Variants in ZFHX3 observed in about 807,000 individuals in gnomAD.
ZFHX3 encodes the protein zinc finger homeobox protein 3.
ZFHX3 carries 42 observed loss-of-function variants against 279.1 expected under a neutral mutation model. The observed-to-expected ratio is 0.15, with a 90% CI of 0.12 to 0.19. The LOEUF is 0.19. Among genes scored for constraint, ZFHX3 ranks in the 10% least tolerant of loss-of-function variants. The probability of loss-of-function intolerance (pLI) is 1.00; values close to 1 mark genes in which losing one functional copy is unlikely to be tolerated. For missense variants in ZFHX3, 4,981 were observed against 4,754.0 expected, an observed-to-expected ratio of 1.05 and a Z score of -1.40; for synonymous variants, 2,293 against 1,957.8, an observed-to-expected ratio of 1.17 and a Z score of -4.52.
At chr16:73,868,575 A>G (rs924547195) in intron 1 of ZFHX3, among the ~76,000 whole-genome samples, 1 of 152,180 alleles carries the variant, frequency 6.6e-6, no homozygotes, top group Admixed American at 6.5e-5. Flanking sequence ...TGGCATTCCC[A>G]CAGCTTCCCT....
At chr16:73,214,043 G>A (rs1394011772) in intron 5 of ZFHX3, among the ~76,000 whole-genome samples, 3 of 152,182 alleles carry the variant, frequency 2.0e-5, no homozygotes, top group African/African-American at 4.8e-5. Context: ...GATTCAATCG[G>A]TATTTATTTA....
In ZFHX3 at chr16:72,960,032, G is replaced by T. The variant is rs775036562; in HGVS notation, c.114C>A (p.Ser38Arg). 1 of 1,614,056 alleles carries T rather than the reference G, an allele frequency of 6.2e-7. No homozygotes were observed. Among genetic ancestry groups the T allele is most frequent in the South Asian group, 1.1e-5 (1 of 91,072 alleles). Reference protein sequence around the residue: ...NSTHLPDKPSSMEQSTGESHG... With the variant: ...NSTHLPDKPSRMEQSTGESHG... ...GGCTCTCGCCTGTGGACTGCTCCAT[G>T]CTACTGGGTTTGTCAGGGAGGTGGG... Residue 38 changes from serine to arginine, a missense_variant, in exon 2 of 10, where the codon AGC becomes AGA. Physicochemically the swap from Ser to Arg is moderately radical, Grantham distance 110. Around this residue, in one of 7 missense-constraint regions of ZFHX3, gnomAD observed 1,068 missense variants for 935.2 expected, o/e 1.14. Transcript: ENST00000268489.
intron 2 of ZFHX3, among the ~76,000 whole-genome samples, chr16:73,461,319 T>C (rs2018466733): frequency 1.3e-5 from 2 of 152,200 alleles, no homozygotes; most frequent in Non-Finnish European, 2.9e-5. Context: ...TTGTTGGATA[T>C]GGGGTTTCAG....
At chr16:73,106,195 G>A (rs753396215) in intron 7 of ZFHX3, among the ~76,000 whole-genome samples, 2 of 152,140 alleles carry the variant, frequency 1.3e-5, no homozygotes, top group Non-Finnish European at 2.9e-5. Context: ...AGATCTAGGA[G>A]CAAGGATCTT....
intron 2 of ZFHX3, among the ~76,000 whole-genome samples, chr16:73,544,988 T>C (rs980401724): frequency 3.3e-5 from 5 of 152,096 alleles, no homozygotes; most frequent in Non-Finnish European, 7.4e-5. Context: ...TGGAGTGTTA[T>C]CTGGAAAGGT....
intron 2 of ZFHX3, among the ~76,000 whole-genome samples, chr16:73,512,548 C>T (rs1276490682): frequency 6.8e-6 from 1 of 147,860 alleles, no homozygotes; most frequent in Non-Finnish European, 1.5e-5. Context: ...CAGAATGGAT[C>T]TAAAGGGTAT....
At chr16:73,489,866 A>T (rs1023787433) in intron 2 of ZFHX3, among the ~76,000 whole-genome samples, 1 of 152,198 alleles carries the variant, frequency 6.6e-6, no homozygotes, top group African/African-American at 2.4e-5. Flanking sequence ...CTCTTTCAAG[A>T]GTGGAGATTA....
chr16:73,613,375 A>C (rs1221238317), intron 2 of ZFHX3, among the ~76,000 whole-genome samples: 1 of 152,178 alleles, frequency 6.6e-6, no homozygotes. Flanking sequence ...ACAAAGCAAA[A>C]AATATTGACT....
At chr16:73,391,507 G>A (rs915629521) in intron 3 of ZFHX3, among the ~76,000 whole-genome samples, 11 of 152,012 alleles carry the variant, frequency 7.2e-5, no homozygotes, top group African/African-American at 2.7e-4. Flanking sequence ...AGGCTTAGCT[G>A]TGCTGCTTGT....
At chr16:73,238,790 T>C (rs559354997) in intron 5 of ZFHX3, among the ~76,000 whole-genome samples, 2 of 152,268 alleles carry the variant, frequency 1.3e-5, no homozygotes, top group African/African-American at 4.8e-5. Flanking sequence ...GGTCATAAAA[T>C]GCCCCATAAC....
intron 1 of ZFHX3, among the ~76,000 whole-genome samples, chr16:73,743,573 T>G (rs1434214827): frequency 6.6e-6 from 1 of 152,194 alleles, no homozygotes; most frequent in Non-Finnish European, 1.5e-5. Flanking sequence ...CAATTACCTA[T>G]ACTTTAAATA....
chr16:72,969,947 G>A (rs762133232), intron 1 of ZFHX3, among the ~76,000 whole-genome samples: 7 of 152,204 alleles, frequency 4.6e-5, no homozygotes, highest in Non-Finnish European at 7.3e-5. Flanking sequence ...TTGTGCTGCC[G>A]GACGCCCACT....
chr16:73,321,248 T>C (rs1002078555), intron 3 of ZFHX3, among the ~76,000 whole-genome samples: 1 of 152,124 alleles, frequency 6.6e-6, no homozygotes. Flanking sequence ...CAGGAGTCCA[T>C]GTAAGCAGTA....
rs764053422 is a variant in ZFHX3 at position 72,788,258 on chromosome 16, C to T, written c.10018G>A (p.Gly3340Ser). ...GYLQPMYGME[G>S]LFPYSPALSQ... ...AGTGCAGGGCTGTAGGGGAACAGGC[C>T]TTCCATGCCATACATAGGCTGCAGG... The change falls in exon 10 of 10, where the codon GGC becomes AGC. Residue 3340 changes from glycine to serine, a missense_variant. By Grantham distance (56) the Gly-to-Ser change is moderately conservative (BLOSUM62 0). Coordinates refer to ENST00000268489, the MANE Select transcript of ZFHX3 (RefSeq NM_006885.4). The T allele has an allele frequency of 1.9e-6, 3 of 1,614,178 alleles. No individual in the cohort carries two copies. The highest frequency in any genetic ancestry group is 3.3e-5 in the Admixed American group (2 of 60,024).
chr16:73,331,638 G>C (rs2015807267), intron 3 of ZFHX3, among the ~76,000 whole-genome samples: 1 of 152,162 alleles, frequency 6.6e-6, no homozygotes, highest in Non-Finnish European at 1.5e-5. Context: ...AGAATGCCTA[G>C]AATTCTTGGT....
chr16:73,378,697 G>A (rs1448866317), intron 3 of ZFHX3, among the ~76,000 whole-genome samples: 1 of 152,062 alleles, frequency 6.6e-6, no homozygotes, highest in Non-Finnish European at 1.5e-5. Flanking sequence ...GACCAACTTG[G>A]TCTGCTCTCT....
intron 5 of ZFHX3, among the ~76,000 whole-genome samples, chr16:73,235,025 C>G (rs953355226): frequency 1.3e-5 from 2 of 152,150 alleles, no homozygotes; most frequent in African/African-American, 2.4e-5. Flanking sequence ...GGCATATTAG[C>G]CCCAGTATTT....
chr16:73,150,051 G>T (rs1041147976), intron 5 of ZFHX3, among the ~76,000 whole-genome samples: 5 of 152,144 alleles, frequency 3.3e-5, no homozygotes, highest in African/African-American at 4.8e-5. Context: ...GACATTCAAT[G>T]ATTTCTTGTA....
At position 73,308,224 on chromosome 16, in the gene ZFHX3, CATATATAT is replaced by C. The variant is rs56199536; in HGVS notation, c.-1194+10008_-1194+10015del. On this transcript the variant is annotated intron_variant, in intron 4 of 17. Transcript: ENST00000641206. Reference sequence around the variant, plus strand: ...TTGAGTTATCTGAGCCATATGCATGCATATATATATATATATATATATATATATATATA... The same window carrying C: ...TTGAGTTATCTGAGCCATATGCATGCATATATATATATATATATATATATA... Among the ~76,000 whole-genome samples, 651 of 108,104 alleles carry C rather than the reference CATATATAT, an allele frequency of 6.0e-3. 2 individuals carry two copies. The highest frequency in any genetic ancestry group is 0.014 in the East Asian group (35 of 2,488). The allele number at this position is 108,104 out of a possible 152,430, so 70.9% of individuals were successfully genotyped here.
Sources: allele counts gnomAD v4.1 joint callset (sites outside exome capture counted in the v4.1 genomes callset), GRCh38; gene constraint gnomAD v4.1.1; regional missense constraint gnomAD v4.1.1; transcripts MANE v1.5; gene names NCBI Gene and HGNC (gene_info 2026-07-23, HGNC 2026-07-21).